Variants in MTMR9 observed in about 807,000 individuals in gnomAD.
MTMR9 encodes the protein myotubularin-related protein 9.
Under a neutral mutation model 69.5 loss-of-function variants are expected in MTMR9, and 39 were observed. The ratio of observed to expected loss-of-function variants is 0.56; its 90% confidence interval spans 0.43 to 0.73. The LOEUF is 0.73. MTMR9 is among the 30% of genes least tolerant of loss of function. MTMR9 has a pLI of 0.00. For missense variants in MTMR9, 900 were observed against 671.2 expected, an observed-to-expected ratio of 1.34 and a Z score of -3.77; for synonymous variants, 354 against 240.8, an observed-to-expected ratio of 1.47 and a Z score of -4.35.
At chr8:11,316,268 C>G (rs1289401614) in intron 7 of MTMR9, 1 of 153,996 alleles carries the variant, frequency 6.5e-6, no homozygotes, top group African/African-American at 2.4e-5. Context: ...TAGTGTACAG[C>G]ACAATCTACA....
At chr8:11,299,483 A>G (rs1405355527) in intron 2 of MTMR9, among the ~76,000 whole-genome samples, 1 of 152,226 alleles carries the variant, frequency 6.6e-6, no homozygotes, top group Non-Finnish European at 1.5e-5. Flanking sequence ...TAGAGTGGTT[A>G]CATGACTTTC....
chr8:11,330,853 C>T, downstream of MTMR9: 1 of 600,748 alleles, frequency 1.7e-6, no homozygotes. Context: ...ACCTTCCCTC[C>T]ACTATTGTCC....
the MTMR9 span, among the ~76,000 whole-genome samples, chr8:11,333,931 CCTCAT>C: frequency 6.6e-6 from 1 of 152,140 alleles, no homozygotes; most frequent in Non-Finnish European, 1.5e-5. Flanking sequence ...AGGGCTCTGC[CCTCAT>C]ATATGGATTA....
chr8:11,338,880 A>G, the MTMR9 span, among the ~76,000 whole-genome samples: 3 of 152,198 alleles, frequency 2.0e-5, no homozygotes, highest in East Asian at 1.9e-4. Context: ...ACACGTGGTC[A>G]TTTACCAGAA....
Position 11,315,075 on chromosome 8 carries a change from C to G in MTMR9, c.1113+11C>G. On this transcript the variant is annotated intron_variant, in intron 7 of 9. Coordinates refer to ENST00000221086, the MANE Select transcript of MTMR9 (RefSeq NM_015458.4). Reference sequence around the variant, plus strand: ...AGAGAGTGGCTGCAGGTGAGAAGAGCTGTTTGATTCACAGAGGAACTGCTT... The same window carrying G: ...AGAGAGTGGCTGCAGGTGAGAAGAGGTGTTTGATTCACAGAGGAACTGCTT... 6.2e-7 allele frequency: 1 copy of G among 1,609,768 alleles called. No individual in the cohort carries two copies. The highest frequency in any genetic ancestry group is 8.5e-7 in the Non-Finnish European group (1 of 1,176,564).
intron 1 of MTMR9, among the ~76,000 whole-genome samples, chr8:11,292,894 A>G (rs550278245): frequency 3.3e-5 from 5 of 152,352 alleles, no homozygotes; most frequent in African/African-American, 9.6e-5. Flanking sequence ...ATACCATTGC[A>G]TACATCACAT....
At chr8:11,289,846 T>A (rs1563264546) in intron 1 of MTMR9, among the ~76,000 whole-genome samples, 1 of 152,224 alleles carries the variant, frequency 6.6e-6, no homozygotes, top group Non-Finnish European at 1.5e-5. Context: ...CAGCATAGGA[T>A]TCCAAAGTAT....
At chr8:11,330,997 G>A (rs1450426032), downstream of MTMR9, 1 of 1,485,406 alleles carries the variant, frequency 6.7e-7, no homozygotes, top group Non-Finnish European at 8.9e-7. Context: ...ACCACCTCAG[G>A]AGAGTTCCAG....
chr8:11,286,490 G>C (rs12680792), intron 1 of MTMR9, among the ~76,000 whole-genome samples: 92,475 of 150,650 alleles, frequency 0.61, 28,851 homozygotes, highest in East Asian at 0.86. Context: ...CATGATGAAA[G>C]CCCGTCTCTA....
downstream of MTMR9, among the ~76,000 whole-genome samples, chr8:11,329,757 G>A (rs930435415): frequency 4.2e-4 from 64 of 152,232 alleles, no homozygotes; most frequent in Non-Finnish European, 1.9e-4. Context: ...AGGGAGGAGC[G>A]TCTCCGCCTG....
intron 1 of MTMR9, among the ~76,000 whole-genome samples, chr8:11,288,591 G>C (rs1299276877): frequency 1.3e-5 from 2 of 152,074 alleles, no homozygotes; most frequent in Non-Finnish European, 2.9e-5. Context: ...AACATGCTTG[G>C]CATGTGCAGA....
chr8:11,289,014 A>G (rs1366576783), intron 1 of MTMR9, among the ~76,000 whole-genome samples: 2 of 152,152 alleles, frequency 1.3e-5, no homozygotes, highest in Non-Finnish European at 2.9e-5. Context: ...TCTACTGAAA[A>G]TACAAAAAAT....
At chr8:11,306,598 G>A (rs958534922) in intron 5 of MTMR9, among the ~76,000 whole-genome samples, 191 bp downstream of exon 5, 1 of 151,994 alleles carries the variant, frequency 6.6e-6, no homozygotes, top group Non-Finnish European at 1.5e-5. Flanking sequence ...AAAATTACAT[G>A]TATTTGTGAT....
chr8:11,313,855 A>T (rs976444935), intron 6 of MTMR9, among the ~76,000 whole-genome samples: 1 of 152,262 alleles, frequency 6.6e-6, no homozygotes, highest in African/African-American at 2.4e-5. Flanking sequence ...TATTGTGAGC[A>T]TTACTAAAAT....
chr8:11,291,907 G>A (rs530381358), intron 1 of MTMR9, among the ~76,000 whole-genome samples: 105 of 135,710 alleles, frequency 7.7e-4, no homozygotes, highest in African/African-American at 3.1e-3. Flanking sequence ...TACAGTCGAC[G>A]TATTACACAC....
chr8:11,303,116 G>GAAGACCAA (rs1799809790), intron 3 of MTMR9, among the ~76,000 whole-genome samples: 1 of 149,782 alleles, frequency 6.7e-6, no homozygotes, highest in Non-Finnish European at 1.5e-5. Flanking sequence ...AAGTTGCATG[G>GAAGACCAA]AAGACCAAAA....
At chr8:11,320,929 C>T (rs1173706465) in intron 9 of MTMR9, 1 of 152,544 alleles carries the variant, frequency 6.6e-6, no homozygotes, top group Non-Finnish European at 1.5e-5. Context: ...AACCGAATTA[C>T]CGTTAATGCC....
intron 4 of MTMR9, 81 bp downstream of exon 4, chr8:11,305,095 C>G (rs973839605): frequency 2.2e-6 from 3 of 1,343,346 alleles, no homozygotes; most frequent in Middle Eastern, 2.3e-4. Context: ...CTTTTGCTCT[C>G]TGTCTGTTCA....
At chr8:11,332,709 C>G (rs182332407), downstream of MTMR9, among the ~76,000 whole-genome samples, 10 of 152,110 alleles carry the variant, frequency 6.6e-5, no homozygotes, top group Admixed American at 2.0e-4. Flanking sequence ...TCAAGCAATT[C>G]TCCTACATCA....
Sources: gnomAD v4.1 joint callset for allele counts (sites outside exome capture counted in the v4.1 genomes callset) on GRCh38, gnomAD v4.1.1 for gene constraint, MANE v1.5 for transcripts, NCBI Gene and HGNC (gene_info 2026-07-23, HGNC 2026-07-21) for gene names.